Variants in HDAC9 observed in about 807,000 individuals in gnomAD.
HDAC9 encodes MEF-2 interacting transcription repressor (MITR) protein.
HDAC9 carries 41 observed loss-of-function variants against 139.4 expected under a neutral mutation model. That is an observed-to-expected ratio of 0.29 (90% CI 0.23 to 0.38). The LOEUF (loss-of-function observed/expected upper bound fraction) is 0.38. HDAC9 is among the 10% of genes least tolerant of loss of function. HDAC9 has a pLI of 1.00. For missense variants in HDAC9, 1,147 were observed against 1,297.0 expected (o/e 0.88, Z 1.78); for synonymous variants, 517 against 476.2 (o/e 1.09, Z -1.12).
chr7:18,660,087 A>G (rs1056032501), intron 11 of HDAC9, among the ~76,000 whole-genome samples: 4 of 152,176 alleles, frequency 2.6e-5, no homozygotes, highest in Admixed American at 6.5e-5. Flanking sequence ...ATAGTCGGAA[A>G]TTTACAAATA....
intron 2 of HDAC9, among the ~76,000 whole-genome samples, chr7:18,229,560 T>C (rs987202267): frequency 6.6e-6 from 1 of 152,186 alleles, no homozygotes; most frequent in Non-Finnish European, 1.5e-5. Flanking sequence ...TGCCAAGTTC[T>C]CTTTTACTTG....
intron 22 of HDAC9, among the ~76,000 whole-genome samples, chr7:18,880,754 T>G (rs545781107): frequency 3.6e-4 from 54 of 149,660 alleles, no homozygotes; most frequent in Non-Finnish European, 7.4e-4. Flanking sequence ...GACATGAATT[T>G]ACCTATGTAA....
chr7:18,397,044 G>C (rs139352527), intron 1 of HDAC9, among the ~76,000 whole-genome samples: 1 of 151,918 alleles, frequency 6.6e-6, no homozygotes, highest in African/African-American at 2.4e-5. Flanking sequence ...AAAGATCATC[G>C]TCGACTCCTA....
At chr7:18,918,665 A>G (rs2129294495) in intron 22 of HDAC9, among the ~76,000 whole-genome samples, 1 of 152,166 alleles carries the variant, frequency 6.6e-6, no homozygotes, top group South Asian at 2.1e-4. Context: ...ATGCATTCAT[A>G]ACACAGTTTG....
rs932816474 is a variant in HDAC9 at position 18,791,716 on chromosome 7, G to A, written c.2215-1629G>A. The stretch of plus-strand genomic sequence containing the variant: ...GGTCAGAGTTCTGTGTGAGAGTCCC[G>A]TGGTCTTCAGAACAGCCTTTCTAAG... On this transcript the variant is annotated intron_variant, in intron 16 of 25. Coordinates refer to ENST00000686413, the MANE Select transcript of HDAC9 (RefSeq NM_178425.4). 2.6e-5 allele frequency among the ~76,000 whole-genome samples: 4 copies of A among 152,238 alleles called. No homozygotes were observed. In the South Asian group the frequency reaches 6.2e-4, roughly 24 times the overall value.
intron 14 of HDAC9, among the ~76,000 whole-genome samples, chr7:18,753,502 A>G (rs547959058): frequency 2.6e-5 from 4 of 152,122 alleles, no homozygotes; most frequent in African/African-American, 7.2e-5. Flanking sequence ...AGGAATCTCA[A>G]TTCTGCTGAC....
At chr7:18,901,081 T>C (rs549737075) in intron 22 of HDAC9, among the ~76,000 whole-genome samples, 11 of 152,040 alleles carry the variant, frequency 7.2e-5, no homozygotes, top group Admixed American at 7.2e-4. Flanking sequence ...GCTTAAGTCC[T>C]GTGACATTAA....
chr7:18,189,412 T>C (rs749878335), intron 2 of HDAC9, among the ~76,000 whole-genome samples: 2 of 152,126 alleles, frequency 1.3e-5, no homozygotes, highest in Non-Finnish European at 2.9e-5. Flanking sequence ...ATGGCACATA[T>C]ATACCTATGT....
chr7:18,467,103 A>T (rs1380784846), intron 1 of HDAC9, among the ~76,000 whole-genome samples: 1 of 152,184 alleles, frequency 6.6e-6, no homozygotes, highest in Non-Finnish European at 1.5e-5. Flanking sequence ...TCCTGTTTGG[A>T]TGTTTCACAG....
intron 1 of HDAC9, among the ~76,000 whole-genome samples, chr7:18,334,375 A>G (rs941094750): frequency 2.0e-5 from 3 of 151,644 alleles, no homozygotes; most frequent in South Asian, 2.1e-4. Flanking sequence ...GAACTAGATC[A>G]AAAGAAAAAA....
At chr7:18,694,979 C>G (rs181757360) in intron 12 of HDAC9, among the ~76,000 whole-genome samples, 274 of 152,144 alleles carry the variant, frequency 1.8e-3, no homozygotes, top group South Asian at 3.5e-3. Context: ...CATTAAAACC[C>G]TAAATTTTCC....
At chr7:18,483,854 A>C (rs1795769287) in intron 1 of HDAC9, among the ~76,000 whole-genome samples, 1 of 152,134 alleles carries the variant, frequency 6.6e-6, no homozygotes, top group Non-Finnish European at 1.5e-5. Context: ...ACAGATTCAA[A>C]ATTCAAAATT....
intron 1 of HDAC9, among the ~76,000 whole-genome samples, chr7:18,108,233 T>G (rs1783358869): frequency 6.6e-6 from 1 of 151,962 alleles, no homozygotes; most frequent in East Asian, 1.9e-4. Context: ...GGTAAAGAAA[T>G]AAAAGGGTTG....
chr7:18,671,307 A>G (rs759640694), intron 12 of HDAC9, among the ~76,000 whole-genome samples: 1 of 152,102 alleles, frequency 6.6e-6, no homozygotes, highest in South Asian at 2.1e-4. Flanking sequence ...CTCGAGGGAA[A>G]CAGGTTCTGA....
intron 1 of HDAC9, among the ~76,000 whole-genome samples, chr7:18,363,717 T>C (rs1255771715): frequency 6.6e-6 from 1 of 152,140 alleles, no homozygotes; most frequent in African/African-American, 2.4e-5. Flanking sequence ...GCCAATGGGC[T>C]GAACAGTGAG....
chr7:18,670,047 A>G (rs1489718807), intron 12 of HDAC9, among the ~76,000 whole-genome samples: 1 of 151,852 alleles, frequency 6.6e-6, no homozygotes, highest in Non-Finnish European at 1.5e-5. Context: ...TATATAGAGT[A>G]TTGTTTTTAA....
chr7:18,579,121 C>CT, intron 2 of HDAC9, among the ~76,000 whole-genome samples: 1 of 152,256 alleles, frequency 6.6e-6, no homozygotes, highest in East Asian at 1.9e-4. Context: ...GACATGTTAT[C>CT]ATCATGATAC....
chr7:18,267,847 T>C (rs1188854413), intron 2 of HDAC9, among the ~76,000 whole-genome samples: 1 of 152,154 alleles, frequency 6.6e-6, no homozygotes, highest in Admixed American at 6.6e-5. Context: ...TGGAAATATT[T>C]TGTGCTTCTG....
chr7:18,834,528 CT>C (rs5882682), intron 19 of HDAC9, among the ~76,000 whole-genome samples: 38,466 of 137,968 alleles, frequency 0.28, 5,286 homozygotes, highest in South Asian at 0.41. Flanking sequence ...TTATATCAGG[CT>C]TTTTTTTTTT....
Sources: allele counts gnomAD v4.1 joint callset (sites outside exome capture counted in the v4.1 genomes callset), GRCh38; gene constraint gnomAD v4.1.1; transcripts MANE v1.5; gene names NCBI Gene and HGNC (gene_info 2026-07-23, HGNC 2026-07-21).